The following DPP10 variants were observed in gnomAD, a reference collection of about 807,000 sequenced individuals.
The protein encoded by DPP10 is dipeptidyl peptidase like 10.
In DPP10, 33 loss-of-function variants were observed where a neutral mutation model predicts 120.9. The ratio of observed to expected loss-of-function variants is 0.27; its 90% CI spans 0.21 to 0.37. DPP10 has a LOEUF of 0.37. DPP10 is among the 10% of genes least tolerant of loss of function. DPP10 has a pLI of 1.00. For missense variants in DPP10, 816 were observed against 942.8 expected, an observed-to-expected ratio of 0.87 and a Z score of 1.76; for synonymous variants, 337 against 326.1, an observed-to-expected ratio of 1.03 and a Z score of -0.36.
chr2:114,974,677 G>A (rs906009419), intron 1 of DPP10, among the ~76,000 whole-genome samples: 9 of 151,946 alleles, frequency 5.9e-5, no homozygotes, highest in Non-Finnish European at 8.8e-5. Context: ...AAAGTGCTGG[G>A]ATTACAGGCG....
chr2:115,477,913 G>T (rs919572990), intron 3 of DPP10, among the ~76,000 whole-genome samples: 2 of 152,146 alleles, frequency 1.3e-5, no homozygotes, highest in African/African-American at 4.8e-5. Context: ...TTCTGGTGAG[G>T]CCTCAGGAAG....
intron 1 of DPP10, chr2:115,131,155 T>C (rs1477368987): frequency 6.6e-6 from 1 of 152,212 alleles, no homozygotes; most frequent in Non-Finnish European, 1.5e-5. Context: ...AGATGAGATG[T>C]GGTTTCTCAG....
chr2:114,729,492 G>A (rs1676677316), intron 1 of DPP10, among the ~76,000 whole-genome samples: 1 of 152,186 alleles, frequency 6.6e-6, no homozygotes, highest in South Asian at 2.1e-4. Context: ...GAAGAGCAAG[G>A]CCCTGGCCAA....
At chr2:115,110,083 C>T (rs537177184) in intron 1 of DPP10, among the ~76,000 whole-genome samples, 1 of 152,264 alleles carries the variant, frequency 6.6e-6, no homozygotes, top group South Asian at 2.1e-4. Context: ...GTGTAAACAC[C>T]TACCACAGCG....
intron 1 of DPP10, among the ~76,000 whole-genome samples, chr2:115,256,371 A>G (rs1163166574): frequency 6.6e-6 from 1 of 152,168 alleles, no homozygotes; most frequent in African/African-American, 2.4e-5. Flanking sequence ...GGGGACTACA[A>G]TTCAAGATGA....
intron 3 of DPP10, among the ~76,000 whole-genome samples, chr2:115,402,456 G>A (rs901569709): frequency 6.6e-6 from 1 of 151,994 alleles, no homozygotes; most frequent in Non-Finnish European, 1.5e-5. Flanking sequence ...GCAAGGCGAG[G>A]CATCACAATT....
At chr2:115,059,685 GAAAAAAA>G (rs34515129) in intron 1 of DPP10, among the ~76,000 whole-genome samples, 7 of 116,346 alleles carry the variant, frequency 6.0e-5, no homozygotes, top group Admixed American at 3.8e-4. Flanking sequence ...ACCTCAACAG[GAAAAAAA>G]AAAAAAAAAA....
intron 1 of DPP10, among the ~76,000 whole-genome samples, chr2:115,263,312 T>C (rs574416300): frequency 3.3e-5 from 5 of 152,338 alleles, no homozygotes; most frequent in Admixed American, 6.5e-5. Context: ...AGCCTGCATC[T>C]CTGGTTCTCC....
At chr2:114,972,427 G>A (rs1699458794) in intron 1 of DPP10, among the ~76,000 whole-genome samples, 3 of 152,158 alleles carry the variant, frequency 2.0e-5, no homozygotes, top group African/African-American at 7.2e-5. Flanking sequence ...TGAAAGCCTG[G>A]AGCCTTTGAC....
At chr2:115,073,962 T>C (rs1707579449) in intron 1 of DPP10, among the ~76,000 whole-genome samples, 1 of 152,220 alleles carries the variant, frequency 6.6e-6, no homozygotes, top group Admixed American at 6.5e-5. Context: ...GCTGTATCTC[T>C]GTAAAGAGTG....
Position 114,681,634 on chromosome 2 carries a change from A to T in DPP10, c.60+238796A>T, listed in dbSNP as rs543131946. Among the ~76,000 whole-genome samples the T allele has an allele frequency of 1.6e-3, 247 of 152,104 alleles. 2 individuals carry two copies. In the South Asian group the frequency reaches 0.019, roughly 12 times the overall value. ...TGGGCTGACTTTATTATCCAACAGC[A>T]GGGAATATCTGTGCATTGAAAAAAA... On this transcript the variant is annotated intron_variant, in intron 1 of 25. Coordinates refer to ENST00000410059, the MANE Select transcript of DPP10 (RefSeq NM_020868.6).
At chr2:115,619,769 G>A (rs992103375) in intron 5 of DPP10, among the ~76,000 whole-genome samples, 16 of 152,070 alleles carry the variant, frequency 1.1e-4, no homozygotes, top group African/African-American at 2.7e-4. Context: ...GAGTTTAGTC[G>A]TTTGTTTTTC....
intron 1 of DPP10, among the ~76,000 whole-genome samples, chr2:114,955,600 C>T (rs1478875175): frequency 6.6e-6 from 1 of 152,186 alleles, no homozygotes; most frequent in Non-Finnish European, 1.5e-5. Flanking sequence ...TTTTACAAGG[C>T]TAGCATTAGC....
intron 13 of DPP10, among the ~76,000 whole-genome samples, chr2:115,774,290 G>A (rs1484810791): frequency 4.0e-5 from 6 of 151,668 alleles, no homozygotes; most frequent in Non-Finnish European, 8.8e-5. Flanking sequence ...AAATCTGTGG[G>A]CCAAAAGTGT....
At chr2:114,518,772 A>T (rs1001163197) in intron 1 of DPP10, among the ~76,000 whole-genome samples, 1 of 152,148 alleles carries the variant, frequency 6.6e-6, no homozygotes, top group Non-Finnish European at 1.5e-5. Flanking sequence ...ATATTGGTAA[A>T]TATTATGGTC....
intron 3 of DPP10, among the ~76,000 whole-genome samples, chr2:115,381,887 A>T (rs1038027752): frequency 6.6e-6 from 1 of 151,956 alleles, no homozygotes; most frequent in African/African-American, 2.4e-5. Flanking sequence ...TCAGGGACCC[A>T]CTTGAGGAGG....
chr2:114,588,094 C>T (rs1454107610), intron 1 of DPP10, among the ~76,000 whole-genome samples: 1 of 152,098 alleles, frequency 6.6e-6, no homozygotes, highest in Non-Finnish European at 1.5e-5. Context: ...GCTTTTGAAA[C>T]AATATGGATC....
At chr2:115,091,110 C>G (rs774542288) in intron 1 of DPP10, among the ~76,000 whole-genome samples, 2 of 152,078 alleles carry the variant, frequency 1.3e-5, no homozygotes, top group Non-Finnish European at 2.9e-5. Context: ...CATTGCTTTC[C>G]CACCCTCCTC....
At chr2:115,318,244 A>G (rs1574404094) in intron 2 of DPP10, among the ~76,000 whole-genome samples, 1 of 152,112 alleles carries the variant, frequency 6.6e-6, no homozygotes, top group Non-Finnish European at 1.5e-5. Flanking sequence ...GGTTATAGAT[A>G]TATGAGTTAT....
Sources: allele counts gnomAD v4.1 joint callset (sites outside exome capture counted in the v4.1 genomes callset), GRCh38; gene constraint gnomAD v4.1.1; transcripts MANE v1.5; gene names NCBI Gene and HGNC (gene_info 2026-07-23, HGNC 2026-07-21).